Variants in ODAD3 observed in about 807,000 individuals in gnomAD.
ODAD3 encodes the protein outer dynein arm-docking complex subunit 3.
In ODAD3, 57 loss-of-function variants were observed where a neutral mutation model predicts 70.9. That is an observed-to-expected ratio of 0.80 (90% CI 0.65 to 1.00). The LOEUF (loss-of-function observed/expected upper bound fraction) is 1.00, where lower values mean the gene tolerates loss of function less well. ODAD3 is among the 50% of genes least tolerant of loss of function. The pLI, the probability that ODAD3 is intolerant of heterozygous loss-of-function variation, is 0.00. For synonymous variants in ODAD3, 327 were observed against 315.9 expected, an observed-to-expected ratio of 1.04 and a Z score of -0.37; for missense variants, 797 against 763.9, an observed-to-expected ratio of 1.04 and a Z score of -0.51.
At position 11,426,463 on chromosome 19, in the gene ODAD3, C is replaced by A; in HGVS notation, c.823G>T (p.Ala275Ser). 1 of 1,614,030 alleles carries A rather than the reference C, an allele frequency of 6.2e-7. No individual in the cohort carries two copies. The highest frequency in any genetic ancestry group is 8.5e-7 in the Non-Finnish European group (1 of 1,179,962). ...GGTGGCACCTTGGCAATGTCCCGGG[C>A]ATTGAGGGCCTCTTGGTTCACCACG... Reference protein sequence around the residue: ...LHVVNQEALNARDIAKNQLQY... With the variant: ...LHVVNQEALNSRDIAKNQLQY... The change falls in exon 6 of 13, where the codon GCC (alanine) becomes TCC (serine). Residue 275 changes from alanine to serine, a missense_variant. Transcript: ENST00000356392.
rs753564341 is a variant in ODAD3, at chr19:11,431,027, G to T, written c.245-7C>A. 6.2e-7 allele frequency: 1 copy of T among 1,614,072 alleles called. No individual in the cohort carries two copies. The highest frequency in any genetic ancestry group is 2.2e-5 in the East Asian group (1 of 44,882). ...AAAGCCTTCCGGTCACCCTCTGGCA[G>T]GCAGGTGAGGTGGACAGACACACAG... On this transcript the variant is annotated splice_region_variant and splice_polypyrimidine_tract_variant and intron_variant, in intron 1 of 12. Coordinates refer to ENST00000356392, the MANE Select transcript of ODAD3 (RefSeq NM_145045.5).
In ODAD3 at chr19:11,422,050, C is replaced by T. The variant is rs1253657336; in HGVS notation, c.1435-218G>A. ...TCTATATGTAAAGGTTTCGGGGAGG[C>T]CTCTTGGGAACAGTAAGGATTCGAG... On this transcript the variant is annotated intron_variant, in intron 10 of 12. Transcript: ENST00000356392. This position sits in a 1 kb window ranked among gnomAD's most constrained non-coding sequence, Gnocchi z 4.6. 6.6e-6 allele frequency among the ~76,000 whole-genome samples: 1 copy of T among 152,112 alleles called. No homozygotes were observed. Among genetic ancestry groups the T allele is most frequent in the Non-Finnish European group, 1.5e-5 (1 of 68,024 alleles).
At chr19:11,435,684 A>T (rs1436377195), upstream of ODAD3, 1 of 1,306,346 alleles carries the variant, frequency 7.7e-7, no homozygotes, top group East Asian at 5.3e-5. Flanking sequence ...TGCGGTGGAT[A>T]CTGACCTTTG....
chr19:11,435,559 A>G (rs972800247), upstream of ODAD3: 10 of 693,052 alleles, frequency 1.4e-5, no homozygotes, highest in South Asian at 1.4e-4. Flanking sequence ...GCCTCTCCCA[A>G]CATGGCGACC....
Position 11,429,348 on chromosome 19 carries a change from A to T in ODAD3, c.444+1351T>A, listed in dbSNP as rs144382462. On this transcript the variant is annotated intron_variant, in intron 3 of 12. Coordinates refer to ENST00000356392, the MANE Select transcript of ODAD3 (RefSeq NM_145045.5). ...TGCCTCAGACTCCTGAGTAGCTGGG[A>T]CTACAGGCGCCCACCACCATGCCTG... 3.9e-3 allele frequency among the ~76,000 whole-genome samples: 599 copies of T among 151,836 alleles called. 29 individuals are homozygous for T. In the East Asian group the frequency reaches 0.099, roughly 25 times the overall value.
At chr19:11,425,225 G>GTATGTGTACATATGTGTATATA (rs1969290326) in intron 7 of ODAD3, among the ~76,000 whole-genome samples, 33 of 130,866 alleles carry the variant, frequency 2.5e-4, no homozygotes, top group Admixed American at 2.0e-3. Flanking sequence ...GTATATATGT[G>GTATGTGTACATATGTGTATATA]TGTATATGTA....
At chr19:11,421,103 C>T (rs1476257953) in intron 12 of ODAD3, 25 bp downstream of exon 12, 4 of 1,611,964 alleles carry the variant, frequency 2.5e-6, no homozygotes, top group Middle Eastern at 1.7e-4. Flanking sequence ...CAACCGCACC[C>T]CTTCATCCCC....
At chr19:11,430,201 A>G (rs1969474002) in intron 3 of ODAD3, among the ~76,000 whole-genome samples, 1 of 151,846 alleles carries the variant, frequency 6.6e-6, no homozygotes, top group African/African-American at 2.4e-5. Flanking sequence ...GTAATGGCAC[A>G]ATCTCGGCTC....
intron 10 of ODAD3, 22 bp from the exon 11 acceptor site, chr19:11,421,854 G>A (rs1488745075): frequency 4.4e-6 from 7 of 1,605,852 alleles, no homozygotes; most frequent in Non-Finnish European, 6.0e-6. Flanking sequence ...GTAGAGCCGG[G>A]TCAGCCGAGA....
chr19:11,424,444 G>T, intron 7 of ODAD3, among the ~76,000 whole-genome samples: 1 of 151,098 alleles, frequency 6.6e-6, no homozygotes, highest in Non-Finnish European at 1.5e-5. Context: ...CGAGACTGCA[G>T]TGAGCTATAA....
chr19:11,430,504 G>T, intron 3 of ODAD3, 195 bp downstream of exon 3: 1 of 603,550 alleles, frequency 1.7e-6, no homozygotes, highest in South Asian at 2.1e-5. Flanking sequence ...GTGGAGACTT[G>T]GTCTGCTTTT....
rs940789605 is a variant in ODAD3 at position 11,422,739 on chromosome 19, C to G, written c.1239G>C (p.Leu413=). Residue 413 remains leucine (L), a synonymous_variant, in exon 9 of 13, where the codon CTG becomes CTC. Transcript: ENST00000356392. This position sits in a 1 kb window ranked among gnomAD's most constrained non-coding sequence, Gnocchi z 4.6. The part of the protein sequence containing the change: ...KQEKQQLQRE[L]EDLKYSGEAT... ...CCTCCCCCGAGTACTTGAGGTCTTC[C>G]AGCTCCCGCTGCAGTTGTTGCTTCT... 2.0e-5 allele frequency: 32 copies of G among 1,612,616 alleles called. No homozygotes were observed. The Admixed American group carries it at 5.3e-4, about 27-fold the overall frequency.
chr19:11,434,191 C>G (rs139466757), intron 1 of ODAD3, among the ~76,000 whole-genome samples: 1 of 137,962 alleles, frequency 7.2e-6, no homozygotes, highest in African/African-American at 2.8e-5. Flanking sequence ...CCAGCCTAGG[C>G]GACAGAGCAA....
chr19:11,427,461 A>ATTTTTG (rs1364790789), intron 3 of ODAD3, among the ~76,000 whole-genome samples: 1 of 139,980 alleles, frequency 7.1e-6, no homozygotes, highest in South Asian at 2.3e-4. Flanking sequence ...CGCCTGGCTA[A>ATTTTTG]TTTTTGTTTT....
intron 7 of ODAD3, among the ~76,000 whole-genome samples, chr19:11,425,351 G>A (rs1366435328): frequency 7.5e-6 from 1 of 133,500 alleles, no homozygotes; most frequent in Non-Finnish European, 1.6e-5. Context: ...ATGTATATAT[G>A]TGTATATGTA....
intron 3 of ODAD3, among the ~76,000 whole-genome samples, chr19:11,430,160 G>A (rs758829349): frequency 6.6e-6 from 1 of 151,272 alleles, no homozygotes; most frequent in African/African-American, 2.4e-5. Context: ...TTTTTGAGAC[G>A]GAGTTTCGCT....
At chr19:11,424,170 A>C (rs1294274562) in intron 7 of ODAD3, 141 bp from the exon 8 acceptor site, 10 of 1,064,856 alleles carry the variant, frequency 9.4e-6, no homozygotes, top group Non-Finnish European at 1.4e-5. Flanking sequence ...GCTTGGGGCC[A>C]GATAAAGGCA....
At chr19:11,420,975 A>C in intron 12 of ODAD3, 28 bp from the exon 13 acceptor site, 1 of 1,605,530 alleles carries the variant, frequency 6.2e-7, no homozygotes, top group Non-Finnish European at 8.5e-7. Flanking sequence ...ATGAGCAGGG[A>C]GCGATGTGGG....
intron 3 of ODAD3, 133 bp from the exon 4 acceptor site, chr19:11,427,173 G>A (rs1005572090): frequency 4.3e-6 from 4 of 939,748 alleles, no homozygotes; most frequent in Admixed American, 5.9e-5. Context: ...CACCTCCCTG[G>A]CCACCCCTTC....
Sources: allele counts gnomAD v4.1 joint callset (sites outside exome capture counted in the v4.1 genomes callset), GRCh38; gene constraint gnomAD v4.1.1; non-coding constraint Gnocchi (gnomAD v3.1); transcripts MANE v1.5; gene names NCBI Gene and HGNC (gene_info 2026-07-23, HGNC 2026-07-21).